The following MYO1G variants were observed in gnomAD, a reference collection of about 807,000 sequenced individuals.
MYO1G encodes myosin IG.
MYO1G carries 65 observed loss-of-function variants against 115.3 expected under a neutral mutation model. That is an observed-to-expected ratio of 0.56 (90% CI 0.46 to 0.69). MYO1G has a LOEUF of 0.69. MYO1G is among the 30% of genes least tolerant of loss of function. The pLI is 0.00. For synonymous variants in MYO1G, 510 were observed against 552.6 expected, an observed-to-expected ratio of 0.92 and a Z score of 1.08; for missense variants, 1,204 against 1,393.5, an observed-to-expected ratio of 0.86 and a Z score of 2.16.
chr7:44,973,939 G>C (rs1327956399), intron 5 of MYO1G: 1 of 150,440 alleles, frequency 6.6e-6, no homozygotes, highest in Admixed American at 6.6e-5. Context: ...GCTCCCACCA[G>C]GGGGAGGCTC....
At chr7:44,973,269 A>C (rs1382022652) in intron 5 of MYO1G, 5 of 151,582 alleles carry the variant, frequency 3.3e-5, no homozygotes, top group African/African-American at 1.2e-4. Context: ...CTTCAGCGGG[A>C]GCTCAGAATC....
At chr7:44,977,699 T>C (rs550346296) in intron 1 of MYO1G, among the ~76,000 whole-genome samples, 1 of 152,060 alleles carries the variant, frequency 6.6e-6, no homozygotes, top group African/African-American at 2.4e-5. Flanking sequence ...CCAGTGGGGG[T>C]GGATGTCTGC....
At chr7:44,965,165 A>T (rs1794818095) in intron 17 of MYO1G, 76 bp from the exon 18 acceptor site, 1 of 1,536,246 alleles carries the variant, frequency 6.5e-7, no homozygotes, top group African/African-American at 1.4e-5. Flanking sequence ...CCACAGAGGA[A>T]GCTGAGCCCT....
In MYO1G at chr7:44,969,921, C is replaced by T; in HGVS notation, c.1333-46G>A. On this transcript the variant is annotated intron_variant, in intron 10 of 21. Coordinates refer to ENST00000258787, the MANE Select transcript of MYO1G (RefSeq NM_033054.3). The surrounding 1 kb of genome is among the most constrained non-coding windows in gnomAD (Gnocchi z 5.0). ...AAGGAAGCTCCCAAGGTCTTTCAGGCCACCTCCCCTCCTCCGCCCCACACT... is the reference window on the plus strand; with the variant it reads ...AAGGAAGCTCCCAAGGTCTTTCAGGTCACCTCCCCTCCTCCGCCCCACACT... 2 of 1,585,742 alleles carry T rather than the reference C, an allele frequency of 1.3e-6. No individual in the cohort carries two copies. The highest frequency in any genetic ancestry group is 1.7e-6 in the Non-Finnish European group (2 of 1,164,528).
At position 44,963,065 on chromosome 7, in the gene MYO1G, G is replaced by T; in HGVS notation, c.2805C>A (p.Gly935=). ...GCAGGCACACCACGAGGTCGTCCTG[G>T]CCGCGGGCGTGCAGCACCACCAGCT... The part of the protein sequence containing the change: ...GDQLVVLHAR[G]QDDLVVCLHR... The change falls in exon 21 of 22, where the codon GGC becomes GGA. Residue 935 remains glycine (G), a synonymous_variant. Coordinates refer to ENST00000258787, the MANE Select transcript of MYO1G (RefSeq NM_033054.3). The surrounding 1 kb of genome is among the most constrained non-coding windows in gnomAD (Gnocchi z 4.1). 6.6e-7 allele frequency: 1 copy of T among 1,522,336 alleles called. No homozygotes were observed. Among genetic ancestry groups the T allele is most frequent in the East Asian group, 2.6e-5 (1 of 39,178 alleles). 94.3% of individuals were successfully genotyped at this position (1,522,336 alleles called of 1,614,324 possible). A position where few individuals can be genotyped will look rare whatever the true frequency, so the allele number is the denominator to read the frequency against.
chr7:44,974,785 G>C (rs531530339), intron 5 of MYO1G: 1 of 274,132 alleles, frequency 3.6e-6, no homozygotes, highest in Non-Finnish European at 7.3e-6. Flanking sequence ...GGTGCTCAGA[G>C]TCAATGCCCG....
In MYO1G at chr7:44,966,781, C is replaced by T; in HGVS notation, c.1840G>A (p.Asp614Asn). Reference sequence around the variant, plus strand: ...ACCTGGTGGCGACAGTGGTTCTCATCCAGCTTCCCAGCTACCTTGTCCTCA... The same window carrying T: ...ACCTGGTGGCGACAGTGGTTCTCATTCAGCTTCCCAGCTACCTTGTCCTCA... ...PNEDKVAGKL[D>N]ENHCRHQVAY... Residue 614 changes from aspartate (D) to asparagine (N), a missense_variant, in exon 15 of 22, where the codon GAT becomes AAT. Transcript: ENST00000258787. The surrounding 1 kb of genome is among the most constrained non-coding windows in gnomAD (Gnocchi z 5.0). 6.2e-7 allele frequency: 1 copy of T among 1,613,620 alleles called. No homozygotes were observed. The highest frequency in any genetic ancestry group is 8.5e-7 in the Non-Finnish European group (1 of 1,179,970).
rs909064916 is a variant in MYO1G, at chr7:44,963,809, G to C, written c.2745+240C>G. 1 of 531,248 alleles carries C rather than the reference G, an allele frequency of 1.9e-6. No individual in the cohort carries two copies. The highest frequency in any genetic ancestry group is 3.4e-6 in the Non-Finnish European group (1 of 294,040). The allele number at this position is 531,248 out of a possible 1,614,324, so 32.9% of individuals were successfully genotyped here. On this transcript the variant is annotated intron_variant, in intron 20 of 21. Transcript: ENST00000258787. The surrounding 1 kb of genome is among the most constrained non-coding windows in gnomAD (Gnocchi z 4.1). ...AAGAGGGGACCATTTGGCTTGGCTA[G>C]AGTGTGAGAGTGGGGGTGGGGGGTG...
intron 12 of MYO1G, chr7:44,968,873 C>A: frequency 6.2e-6 from 1 of 160,864 alleles, no homozygotes; most frequent in South Asian, 1.7e-4. Flanking sequence ...TCTATTCCCT[C>A]TCCTTGAGAA....
At position 44,970,988 on chromosome 7, in the gene MYO1G, T is replaced by C; in HGVS notation, c.918A>G (p.Ala306=). The change falls in exon 8 of 22, where the codon GCA becomes GCG. Residue 306 remains alanine (A), a synonymous_variant. Coordinates refer to ENST00000258787, the MANE Select transcript of MYO1G (RefSeq NM_033054.3). ...QKEGLAVAEE[A]LVDHVAELTA... ...TCAGCTCAGCCACATGGTCCACCAGTGCCTCCTCGGCCACTGCCAGGCCCT... is the reference window on the plus strand; with the variant it reads ...TCAGCTCAGCCACATGGTCCACCAGCGCCTCCTCGGCCACTGCCAGGCCCT... The C allele has an allele frequency of 6.2e-7, 1 of 1,613,534 alleles. No individual in the cohort carries two copies. The highest frequency in any genetic ancestry group is 2.2e-5 in the East Asian group (1 of 44,884).
In MYO1G at chr7:44,962,709, G is replaced by A; in HGVS notation, c.*30C>T. The A allele has an allele frequency of 1.4e-6, 2 of 1,455,272 alleles. No homozygotes were observed. Among genetic ancestry groups the A allele is most frequent in the East Asian group, 2.7e-5 (1 of 37,204 alleles). 90.1% of individuals were successfully genotyped at this position (1,455,272 alleles called of 1,614,324 possible). ...GCAGCGCTGGCGGGGCGGACAATTG[G>A]CGGCCTCGGGGTGCGGCGGGTGCGG... On this transcript the variant is annotated 3_prime_UTR_variant, in exon 22 of 22. Transcript: ENST00000258787. The surrounding 1 kb of genome is among the most constrained non-coding windows in gnomAD (Gnocchi z 5.3).
chr7:44,965,931 G>T (rs1794833321), intron 16 of MYO1G, 71 bp from the exon 17 acceptor site: 3 of 1,551,312 alleles, frequency 1.9e-6, no homozygotes, highest in Non-Finnish European at 2.6e-6. Context: ...CCCAAACCTG[G>T]CCCTGAGCAT....
At chr7:44,968,022 C>T (rs913265815) in intron 12 of MYO1G, 64 bp from the exon 13 acceptor site, 1 of 1,296,648 alleles carries the variant, frequency 7.7e-7, no homozygotes, top group Non-Finnish European at 1.1e-6. Context: ...GTGCTAATGA[C>T]CCCAGCAGCC....
At chr7:44,974,384 C>G (rs1795011237) in intron 5 of MYO1G, 1 of 151,414 alleles carries the variant, frequency 6.6e-6, no homozygotes, top group African/African-American at 2.4e-5. Context: ...AGCTCAGAAT[C>G]CATGGAAACA....
intron 17 of MYO1G, among the ~76,000 whole-genome samples, chr7:44,965,291 GTCC>G (rs1177749309): frequency 1.3e-5 from 2 of 152,238 alleles, no homozygotes; most frequent in East Asian, 3.8e-4. Flanking sequence ...GTCGCCCAGT[GTCC>G]TCCTGTTCTG....
rs1794767464 is a variant in MYO1G, at chr7:44,962,688, C to A, written c.*51G>T. On this transcript the variant is annotated 3_prime_UTR_variant, in exon 22 of 22. Transcript: ENST00000258787. This position sits in a 1 kb window ranked among gnomAD's most constrained non-coding sequence, Gnocchi z 5.3. ...GCTGACTCAGAAGGTTTATTTGCAG[C>A]GCTGGCGGGGCGGACAATTGGCGGC... The A allele has an allele frequency of 4.8e-6, 7 of 1,445,258 alleles. No individual in the cohort carries two copies. In the East Asian group the frequency reaches 1.6e-4, roughly 34 times the overall value. 89.5% of individuals were successfully genotyped at this position (1,445,258 alleles called of 1,614,324 possible). A position where few individuals can be genotyped will look rare whatever the true frequency, so the allele number is the denominator to read the frequency against.
chr7:44,967,654 G>A lies in MYO1G; in HGVS notation c.1733C>T (p.Thr578Ile). The change falls in exon 14 of 22, where the codon ACA becomes ATA. Residue 578 changes from threonine to isoleucine, a missense_variant. By Grantham distance (89) the Thr-to-Ile change is moderately conservative. Transcript: ENST00000258787. ...EVTKRPLTAG[T>I]LFKNSMVALV... Reference sequence around the variant, plus strand: ...GGCCACCATGGAGTTCTTGAAGAGTGTGCCAGCCGTCAGGGGGCGCTTGGT... The same window carrying A: ...GGCCACCATGGAGTTCTTGAAGAGTATGCCAGCCGTCAGGGGGCGCTTGGT... 6.2e-7 allele frequency: 1 copy of A among 1,613,886 alleles called. No individual in the cohort carries two copies.
Position 44,966,287 on chromosome 7 carries a change from C to T in MYO1G, c.1950-7G>A. 6.3e-7 allele frequency: 1 copy of T among 1,596,306 alleles called. No individual in the cohort carries two copies. The highest frequency in any genetic ancestry group is 8.5e-7 in the Non-Finnish European group (1 of 1,171,460). On this transcript the variant is annotated splice_polypyrimidine_tract_variant and splice_region_variant and intron_variant, in intron 15 of 21. Transcript: ENST00000258787. This position sits in a 1 kb window ranked among gnomAD's most constrained non-coding sequence, Gnocchi z 5.0. ...TTCACAGGTCATCTTGTACCTGTCA[C>T]CACAGGACAGGGCAGTGTGGCCCAG... is the stretch of plus-strand genomic sequence containing the variant.
rs141505221 is a variant in MYO1G, at chr7:44,966,198, G to T, written c.2032C>A (p.His678Asn). Residue 678 changes from histidine (H) to asparagine (N), a missense_variant, in exon 16 of 22, where the codon CAC becomes AAC. Coordinates refer to ENST00000258787, the MANE Select transcript of MYO1G (RefSeq NM_033054.3). This position sits in a 1 kb window ranked among gnomAD's most constrained non-coding sequence, Gnocchi z 5.0. ...KAAVSALLEQ[H>N]GLQGDVAFGH... is the part of the protein sequence containing the mutation. ...AAGGCCACGTCCCCCTGCAGCCCGT[G>T]CTGCTCCAGGAGAGCGCTCACGGCT... is the stretch of plus-strand genomic sequence containing the variant. 4.8e-3 allele frequency: 7,757 copies of T among 1,612,496 alleles called. 32 individuals are homozygous for T. The highest frequency in any genetic ancestry group is 5.5e-3 in the Non-Finnish European group (6,434 of 1,179,812).
Sources: allele counts gnomAD v4.1 joint callset (sites outside exome capture counted in the v4.1 genomes callset), GRCh38; gene constraint gnomAD v4.1.1; non-coding constraint Gnocchi (gnomAD v3.1); transcripts MANE v1.5; gene names NCBI Gene and HGNC (gene_info 2026-07-23, HGNC 2026-07-21).